ADGRG2: variants seen among roughly 807,000 people sequenced by gnomAD.
ADGRG2 encodes G protein-coupled receptor 64.
A neutral mutation model predicts 74.1 loss-of-function variants in ADGRG2; 26 were observed. That is an observed-to-expected ratio of 0.35 (90% CI 0.26 to 0.49). The LOEUF (loss-of-function observed/expected upper bound fraction) is 0.49, where lower values mean the gene tolerates loss of function less well. ADGRG2 is among the 20% of genes least tolerant of loss of function. The pLI is 0.99. For missense variants in ADGRG2, 619 were observed against 763.1 expected, an observed-to-expected ratio of 0.81 and a Z score of 2.22; for synonymous variants, 296 against 295.2, an observed-to-expected ratio of 1.00 and a Z score of -0.03.
chrX:19,102,739 TCCCTCC>T (rs1327837116), intron 1 of ADGRG2, among the ~76,000 whole-genome samples: 1 of 109,750 alleles, frequency 9.1e-6, no homozygotes, highest in Admixed American at 9.8e-5. Flanking sequence ...CCTCTCCCTC[TCCCTCC>T]CCGCTTCCCC....
chrX:19,113,828 G>A (rs924628805), intron 1 of ADGRG2, among the ~76,000 whole-genome samples: 1 of 111,521 alleles, frequency 9.0e-6, no homozygotes, highest in Non-Finnish European at 1.9e-5. Flanking sequence ...CAGCACTTTG[G>A]GAGACTGAGG....
At chrX:19,110,949 T>C (rs2062402657) in intron 1 of ADGRG2, among the ~76,000 whole-genome samples, 1 of 111,422 alleles carries the variant, frequency 9.0e-6, no homozygotes, top group Non-Finnish European at 1.9e-5. Context: ...CATGTGGATA[T>C]TGGATTCTAG....
At position 19,009,667 on chromosome X, in the gene ADGRG2, T is replaced by C; in HGVS notation, c.1381A>G (p.Asn461Asp). ...AVIRVNASSFNTTTFVAQDPA... is the reference protein window; with the variant it reads ...AVIRVNASSFDTTTFVAQDPA... Reference sequence around the variant, plus strand: ...TCTTGGGCCACAAAGGTAGTTGTGTTGAAACTACTGGCATTCACTCTGATC... The same window carrying C: ...TCTTGGGCCACAAAGGTAGTTGTGTCGAAACTACTGGCATTCACTCTGATC... Residue 461 changes from asparagine to aspartate, a missense_variant, in exon 18 of 29, where the codon AAC (asparagine) becomes GAC (aspartate). This residue lies in a region of ADGRG2 where 221 missense variants were observed against 340.6 expected (regional missense o/e 0.65). Transcript: ENST00000379869. The C allele has an allele frequency of 8.3e-7, 1 of 1,206,437 alleles. No individual in the cohort carries two copies. Among genetic ancestry groups the C allele is most frequent in the East Asian group, 3.0e-5 (1 of 33,835 alleles).
intron 1 of ADGRG2, among the ~76,000 whole-genome samples, chrX:19,118,637 CCTT>C (rs1322021168): frequency 8.9e-6 from 1 of 112,133 alleles, no homozygotes; most frequent in Admixed American, 9.5e-5. Flanking sequence ...GATCCTCCCA[CCTT>C]AGCCTCCTGA....
chrX:19,101,101 TTG>T (rs10579733), intron 1 of ADGRG2, among the ~76,000 whole-genome samples: 16,120 of 89,213 alleles, frequency 0.18, 1,809 homozygotes, highest in African/African-American at 0.35. Context: ...AATCATGAGA[TTG>T]TGTGTGTGTG....
At chrX:19,021,896 C>T (rs1314453446) in intron 13 of ADGRG2, among the ~76,000 whole-genome samples, 7 of 110,143 alleles carry the variant, frequency 6.4e-5, no homozygotes, top group Non-Finnish European at 1.3e-4. Flanking sequence ...GATCTGCCCA[C>T]CTCGGCCTCC....
chrX:19,040,322 C>CTGAA, intron 3 of ADGRG2, 98 bp from the exon 4 acceptor site: 2 of 534,028 alleles, frequency 3.7e-6, no homozygotes, highest in Non-Finnish European at 6.3e-6. Context: ...AAGTAGGTTT[C>CTGAA]AGCTACTCAT....
intron 2 of ADGRG2, among the ~76,000 whole-genome samples, chrX:19,081,103 AT>A (rs1198812239): frequency 9.1e-6 from 1 of 110,444 alleles, no homozygotes; most frequent in South Asian, 3.9e-4. Context: ...ATCAATAGTG[AT>A]TTTTTTTAAA....
chrX:19,033,815 C>A, intron 7 of ADGRG2, 161 bp from the exon 8 acceptor site: 1 of 356,340 alleles, frequency 2.8e-6, no homozygotes, highest in Non-Finnish European at 5.0e-6. Context: ...ATAGGAACCG[C>A]ATCCACGGAT....
At chrX:19,086,420 C>T (rs2061936784) in intron 1 of ADGRG2, among the ~76,000 whole-genome samples, 1 of 111,459 alleles carries the variant, frequency 9.0e-6, no homozygotes, top group South Asian at 3.8e-4. Context: ...GCTGGGAAGC[C>T]ACCCAACTTC....
intron 13 of ADGRG2, among the ~76,000 whole-genome samples, chrX:19,022,704 A>T (rs1027003518): frequency 9.0e-6 from 1 of 111,036 alleles, no homozygotes; most frequent in African/African-American, 3.3e-5. Flanking sequence ...CTTTAAAAAA[A>T]ATTTTTTTTT....
At chrX:19,021,304 C>T in intron 13 of ADGRG2, 106 bp from the exon 14 acceptor site, 1 of 527,457 alleles carries the variant, frequency 1.9e-6, no homozygotes, top group Admixed American at 2.7e-5. Context: ...GACACTGATA[C>T]TGTTAACTTG....
chrX:19,010,479 T>C, intron 17 of ADGRG2, 134 bp downstream of exon 17: 2 of 542,936 alleles, frequency 3.7e-6, no homozygotes, highest in Non-Finnish European at 6.1e-6. Flanking sequence ...AAGCAGAATA[T>C]AGAGTAGCAA....
chrX:19,115,159 G>A (rs1249529618), intron 1 of ADGRG2, among the ~76,000 whole-genome samples: 1 of 111,269 alleles, frequency 9.0e-6, no homozygotes, highest in Non-Finnish European at 1.9e-5. Context: ...CACTAACATT[G>A]GAACAGAAAG....
chrX:19,009,766 C>T lies in ADGRG2; in HGVS notation c.1282G>A (p.Asp428Asn). ...PLAQRLLKVVDDIGLQLNFSN... is the reference protein window; with the variant it reads ...PLAQRLLKVVNDIGLQLNFSN... ...AAGTTCAGCTGTAGGCCAATGTCAT[C>T]CACTACTTTCAGCAATCTGTAAAGA... The change falls in exon 18 of 29, where the codon GAT becomes AAT. Residue 428 changes from aspartate (D) to asparagine (N), a missense_variant. Physicochemically the swap from Asp to Asn is conservative, Grantham distance 23. This residue lies in a region of ADGRG2 where 221 missense variants were observed against 340.6 expected (regional missense o/e 0.65). Coordinates refer to ENST00000379869, the MANE Select transcript of ADGRG2 (RefSeq NM_001079858.3). 8.4e-7 allele frequency: 1 copy of T among 1,193,119 alleles called. No homozygotes were observed. The highest frequency in any genetic ancestry group is 1.1e-6 in the Non-Finnish European group (1 of 880,721).
chrX:19,092,955 G>C (rs1290797701), intron 1 of ADGRG2, among the ~76,000 whole-genome samples: 1 of 112,201 alleles, frequency 8.9e-6, no homozygotes, highest in Admixed American at 9.4e-5. Flanking sequence ...ACCAAGGAGG[G>C]AAACTGGGAA....
Position 18,996,107 on chromosome X carries a change from C to T in ADGRG2, c.2660G>A (p.Arg887Lys). 8.4e-7 allele frequency: 1 copy of T among 1,188,049 alleles called. No homozygotes were observed. Among genetic ancestry groups the T allele is most frequent in the Non-Finnish European group, 1.1e-6 (1 of 874,868 alleles). The change falls in exon 27 of 29, where the codon AGG (arginine) becomes AAG (lysine). Residue 887 changes from arginine to lysine, a missense_variant. Around this residue, in one of 3 missense-constraint regions of ADGRG2, gnomAD observed 106 missense variants for 104.5 expected, o/e 1.01. Transcript: ENST00000379869. ...IFYCVAKENV[R>K]KQWRRYLCCG... ...ACAAAGATACCGCCTCCATTGCTTC[C>T]TGACATTTTCTTTGGCCACACAGTA...
At chrX:19,065,721 T>C (rs1189570818) in intron 3 of ADGRG2, among the ~76,000 whole-genome samples, 1 of 111,978 alleles carries the variant, frequency 8.9e-6, no homozygotes, top group African/African-American at 3.2e-5. Flanking sequence ...ACTCCGCCAC[T>C]TCCTAACCAA....
intron 3 of ADGRG2, among the ~76,000 whole-genome samples, chrX:19,056,519 A>C (rs2061412949): frequency 8.9e-6 from 1 of 112,053 alleles, no homozygotes; most frequent in Admixed American, 9.5e-5. Flanking sequence ...CTAGTTCTAT[A>C]AACAACTACA....
Sources: allele counts gnomAD v4.1 joint callset (sites outside exome capture counted in the v4.1 genomes callset), GRCh38; gene constraint gnomAD v4.1.1; regional missense constraint gnomAD v4.1.1; transcripts MANE v1.5; gene names NCBI Gene and HGNC (gene_info 2026-07-23, HGNC 2026-07-21).